Variants in ABCB11 observed in about 807,000 individuals in gnomAD.
The protein encoded by ABCB11 is ATP binding cassette subfamily B member 11.
ABCB11 carries 95 observed loss-of-function variants against 148.0 expected under a neutral mutation model. That is an observed-to-expected ratio of 0.64 (90% CI 0.54 to 0.76). ABCB11 has a LOEUF of 0.76. Ranked by LOEUF, ABCB11 falls within the 30% of genes least tolerant of loss-of-function variation. The pLI is 0.00. For synonymous variants in ABCB11, 591 were observed against 555.4 expected (o/e 1.06, Z -0.90); for missense variants, 1,523 against 1,617.8 (o/e 0.94, Z 1.01).
At chr2:168,952,939 T>C (rs1389158470) in intron 19 of ABCB11, among the ~76,000 whole-genome samples, 1 of 151,710 alleles carries the variant, frequency 6.6e-6, no homozygotes, top group East Asian at 1.9e-4. Context: ...ATTTTCTAAT[T>C]TCCATCTTAA....
intron 10 of ABCB11, among the ~76,000 whole-genome samples, chr2:168,983,667 C>T (rs1015572262): frequency 6.6e-6 from 1 of 152,130 alleles, no homozygotes; most frequent in Non-Finnish European, 1.5e-5. Context: ...GGTTTGACCT[C>T]TGATAATCAC....
chr2:169,000,072 GTTGT>G (rs1694826665), intron 5 of ABCB11, among the ~76,000 whole-genome samples: 1 of 151,976 alleles, frequency 6.6e-6, no homozygotes, highest in African/African-American at 2.4e-5. Context: ...CTCTATTGAT[GTTGT>G]TTAACATATT....
chr2:168,957,283 A>G (rs1692841543), intron 19 of ABCB11, among the ~76,000 whole-genome samples: 1 of 151,734 alleles, frequency 6.6e-6, no homozygotes, highest in African/African-American at 2.4e-5. Flanking sequence ...TAAAATAGAA[A>G]TAACAAGAAT....
rs1043651710 is a variant in ABCB11, at chr2:168,968,451, C to T, written c.2051G>A (p.Arg684Lys). The T allele has an allele frequency of 3.1e-6, 5 of 1,611,092 alleles. No homozygotes were observed. Among genetic ancestry groups the T allele is most frequent in the Non-Finnish European group, 4.2e-6 (5 of 1,178,502 alleles). The change falls in exon 17 of 28, where the codon AGA becomes AAA. Residue 684 changes from arginine (R) to lysine (K), a missense_variant. Arg to Lys is a conservative substitution (Grantham distance 26). Transcript: ENST00000650372. ...EDDMLARTFS[R>K]GSYQDSLRAS... Reference sequence around the variant, plus strand: ...CCTTAAACTATCCTGGTAGCTCCCTCTGCTAAAGGTCCTCGCAAGCATGTC... The same window carrying T: ...CCTTAAACTATCCTGGTAGCTCCCTTTGCTAAAGGTCCTCGCAAGCATGTC...
In ABCB11 at chr2:168,932,399, T is replaced by C. The variant is rs373885791; in HGVS notation, c.3191A>G (p.Tyr1064Cys). The C allele has an allele frequency of 6.4e-7, 1 of 1,569,496 alleles. No individual in the cohort carries two copies. The highest frequency in any genetic ancestry group is 1.4e-5 in the African/African-American group (1 of 73,906). ...LLDRQPPISV[Y>C]NTAGEKWDNF... ...TACCCATTTTTCACCTGCAGTATTGTATACACTGATTGGGGGTTGTCGGTC... is the reference window on the plus strand; with the variant it reads ...TACCCATTTTTCACCTGCAGTATTGCATACACTGATTGGGGGTTGTCGGTC... Residue 1064 changes from tyrosine to cysteine, a missense_variant, in exon 24 of 28, where the codon TAC becomes TGC. Tyr to Cys is a radical substitution (Grantham distance 194, BLOSUM62 -2). Coordinates refer to ENST00000650372, the MANE Select transcript of ABCB11 (RefSeq NM_003742.4).
intron 1 of ABCB11, among the ~76,000 whole-genome samples, chr2:169,020,057 C>T (rs1695490245): frequency 1.3e-5 from 2 of 152,016 alleles, no homozygotes; most frequent in East Asian, 1.9e-4. Context: ...AATATTGATA[C>T]CAAGTATAAC....
intron 12 of ABCB11, among the ~76,000 whole-genome samples, chr2:168,975,588 T>C (rs911321439): frequency 2.9e-5 from 3 of 104,078 alleles, no homozygotes; most frequent in African/African-American, 1.2e-4. Context: ...AATATATAAA[T>C]ACATAAATAT....
At chr2:169,030,075 A>G (rs891868204) in intron 1 of ABCB11, among the ~76,000 whole-genome samples, 1 of 152,136 alleles carries the variant, frequency 6.6e-6, no homozygotes, top group Non-Finnish European at 1.5e-5. Flanking sequence ...ACACAACTCC[A>G]GTATTTGATT....
At chr2:169,006,349 TGA>T (rs1406845349) in intron 5 of ABCB11, among the ~76,000 whole-genome samples, 2 of 152,170 alleles carry the variant, frequency 1.3e-5, no homozygotes, top group Non-Finnish European at 2.9e-5. Context: ...CATGACTTAA[TGA>T]TTAGAACACT....
At chr2:168,952,163 C>A (rs1257372266) in intron 19 of ABCB11, among the ~76,000 whole-genome samples, 1 of 151,630 alleles carries the variant, frequency 6.6e-6, no homozygotes, top group East Asian at 1.9e-4. Context: ...CATCTATGTT[C>A]ATCAGAGATA....
rs766083837 is a variant in ABCB11, at chr2:168,924,805, T to C, written c.3619-2A>G. 1 of 1,608,666 alleles carries C rather than the reference T, an allele frequency of 6.2e-7. No homozygotes were observed. Reference sequence around the variant, plus strand: ...GGACCCAACGTTAGTTTCATATTTCTGAAAAAAAGTATGATAAGTTTGAGA... The same window carrying C: ...GGACCCAACGTTAGTTTCATATTTCCGAAAAAAAGTATGATAAGTTTGAGA... On this transcript the variant is annotated splice_acceptor_variant, in intron 26 of 27. Coordinates refer to ENST00000650372, the MANE Select transcript of ABCB11 (RefSeq NM_003742.4). LOFTEE classifies it high-confidence loss of function.
chr2:169,002,085 T>G (rs975083476), intron 5 of ABCB11, among the ~76,000 whole-genome samples: 2 of 152,124 alleles, frequency 1.3e-5, no homozygotes, highest in African/African-American at 4.8e-5. Context: ...CAAAATCATT[T>G]CAAAAAGCAA....
chr2:168,988,336 C>T (rs1466935578), intron 9 of ABCB11, among the ~76,000 whole-genome samples: 1 of 152,094 alleles, frequency 6.6e-6, no homozygotes, highest in African/African-American at 2.4e-5. Flanking sequence ...GTGAGTTCAA[C>T]TCTGTCAGTG....
chr2:168,992,756 C>A (rs956727843), intron 8 of ABCB11, among the ~76,000 whole-genome samples: 2 of 152,002 alleles, frequency 1.3e-5, no homozygotes, highest in Non-Finnish European at 2.9e-5. Context: ...TGAAATGGAG[C>A]GAGCTCTTTG....
At chr2:168,971,821 TC>T (rs1284452940) in intron 14 of ABCB11, 25 bp downstream of exon 14, 1 of 1,607,454 alleles carries the variant, frequency 6.2e-7, no homozygotes, top group East Asian at 2.2e-5. Context: ...TCTTAGTTTC[TC>T]CCAGGAATGT....
At position 168,927,282 on chromosome 2, in the gene ABCB11, CA is replaced by C. The variant is rs755647308; in HGVS notation, c.3491del (p.Val1164GlyfsTer7). The C allele has an allele frequency of 3.7e-6, 6 of 1,613,902 alleles. No individual in the cohort carries two copies. The highest frequency in any genetic ancestry group is 5.1e-6 in the Non-Finnish European group (6 of 1,179,800). ...SNIGIVSQEP[V>X]LFACSIMDNI... ...TGTCCATTATGCTACAGGCAAACAA[CA>C]CTGGTTCCTGGGAAACAATTCCAAT... On this transcript the variant is annotated frameshift_variant, in exon 26 of 28. Transcript: ENST00000650372. LOFTEE classifies it high-confidence loss of function.
chr2:169,016,771 C>A lies in ABCB11; in HGVS notation c.98+7G>T, dbSNP rs1167731334. On this transcript the variant is annotated splice_region_variant and intron_variant, in intron 3 of 27. Coordinates refer to ENST00000650372, the MANE Select transcript of ABCB11 (RefSeq NM_003742.4). ...AAGATGCTGCATTGTTGAAATCAGT[C>A]ACTTACCTTGATTTCTTATCATTAT... is the stretch of plus-strand genomic sequence containing the variant. 6.3e-7 allele frequency: 1 copy of A among 1,596,362 alleles called. No homozygotes were observed. Among genetic ancestry groups the A allele is most frequent in the South Asian group, 1.1e-5 (1 of 88,264 alleles).
intron 5 of ABCB11, among the ~76,000 whole-genome samples, chr2:169,000,749 C>G (rs1438750112): frequency 6.6e-6 from 1 of 152,028 alleles, no homozygotes; most frequent in Non-Finnish European, 1.5e-5. Context: ...ATTATTTTAG[C>G]TATTCCAGTT....
chr2:168,937,227 A>G (rs1486305935), intron 21 of ABCB11, among the ~76,000 whole-genome samples: 1 of 152,208 alleles, frequency 6.6e-6, no homozygotes. Context: ...GTATGTGTAT[A>G]TCACATTTTG....
Sources: allele counts gnomAD v4.1 joint callset (sites outside exome capture counted in the v4.1 genomes callset), GRCh38; gene constraint gnomAD v4.1.1; transcripts MANE v1.5; gene names NCBI Gene and HGNC (gene_info 2026-07-23, HGNC 2026-07-21).